The following SGSM1 variants were observed in gnomAD, a reference collection of about 807,000 sequenced individuals.
The protein encoded by SGSM1 is small G protein signaling modulator 1, also known as RUN and TBC1 domain containing 2.
In SGSM1, 73 loss-of-function variants were observed where a neutral mutation model predicts 133.8. That is an observed-to-expected ratio of 0.55 (90% CI 0.45 to 0.66). SGSM1 has a LOEUF of 0.66. Ranked by LOEUF, SGSM1 falls within the 30% of genes least tolerant of loss-of-function variation. The pLI is 0.00. For synonymous variants in SGSM1, 563 were observed against 573.0 expected (o/e 0.98, Z 0.25); for missense variants, 1,213 against 1,448.1 (o/e 0.84, Z 2.64).
chr22:24,924,609 C>T lies in SGSM1; in HGVS notation c.*335C>T, dbSNP rs943118795. On this transcript the variant is annotated 3_prime_UTR_variant, in exon 25 of 25. Transcript: ENST00000400358. ...GTCTCCTCTTCTTCTTTCCCTATCCCTCCAAACTGTCTTGTAAGATGAGAC... is the reference window on the plus strand; with the variant it reads ...GTCTCCTCTTCTTCTTTCCCTATCCTTCCAAACTGTCTTGTAAGATGAGAC... The T allele has an allele frequency of 1.2e-5, 4 of 342,816 alleles. No homozygotes were observed. Among genetic ancestry groups the T allele is most frequent in the African/African-American group, 6.3e-5 (3 of 47,876 alleles). 21.2% of individuals were successfully genotyped at this position (342,816 alleles called of 1,614,324 possible).
chr22:24,855,908 CA>C (rs1930753228), intron 8 of SGSM1: 2 of 699,080 alleles, frequency 2.9e-6, no homozygotes, highest in South Asian at 3.2e-5. Flanking sequence ...CACCCATTGT[CA>C]CAACCATCCA....
At chr22:24,873,758 A>G (rs1330784917) in intron 12 of SGSM1, among the ~76,000 whole-genome samples, 1 of 152,094 alleles carries the variant, frequency 6.6e-6, no homozygotes, top group Non-Finnish European at 1.5e-5. Context: ...GAGACTGAGG[A>G]TGGAGGATCA....
At chr22:24,909,515 G>C (rs1933540326) in intron 21 of SGSM1, among the ~76,000 whole-genome samples, 2 of 151,964 alleles carry the variant, frequency 1.3e-5, no homozygotes, top group South Asian at 4.2e-4. Flanking sequence ...GAGTGCAATG[G>C]CACCATCTCA....
chr22:24,825,995 C>A (rs4820613), intron 2 of SGSM1, among the ~76,000 whole-genome samples: 1 of 150,414 alleles, frequency 6.6e-6, no homozygotes, highest in Non-Finnish European at 1.5e-5. Flanking sequence ...TTTATTTAGA[C>A]CTACTGTGTG....
intron 3 of SGSM1, among the ~76,000 whole-genome samples, chr22:24,845,617 A>G (rs192759979): frequency 4.6e-5 from 7 of 152,310 alleles, no homozygotes; most frequent in African/African-American, 1.7e-4. Context: ...GTGTCTCATA[A>G]TGCAGGACAT....
chr22:24,863,027 G>A (rs1389918017), intron 9 of SGSM1, among the ~76,000 whole-genome samples: 1 of 152,218 alleles, frequency 6.6e-6, no homozygotes, highest in East Asian at 1.9e-4. Context: ...GAAACCTGAT[G>A]CTAATGTTTT....
chr22:24,904,351 C>G (rs372803277), intron 20 of SGSM1, among the ~76,000 whole-genome samples: 2 of 151,916 alleles, frequency 1.3e-5, no homozygotes, highest in African/African-American at 2.4e-5. Context: ...GAGGCCGAGA[C>G]GGGCGGGTCA....
At chr22:24,882,275 G>A (rs1192175414) in intron 14 of SGSM1, among the ~76,000 whole-genome samples, 1 of 152,126 alleles carries the variant, frequency 6.6e-6, no homozygotes, top group East Asian at 1.9e-4. Context: ...TCACTATGTT[G>A]CCTAGGCTGG....
intron 4 of SGSM1, among the ~76,000 whole-genome samples, chr22:24,849,980 G>C (rs1930362831): frequency 6.6e-6 from 1 of 152,162 alleles, no homozygotes; most frequent in African/African-American, 2.4e-5. Context: ...CCCAATGAAG[G>C]ATCTATACTC....
rs577816442 is a variant in SGSM1, at chr22:24,815,517, C to T, written c.63+9033C>T. ...CAGCACTTTGGGAGGCCGAGGCAGG[C>T]GGATCACGAGTTCAGGAGATCAGGA... is the stretch of plus-strand genomic sequence containing the variant. On this transcript the variant is annotated intron_variant, in intron 2 of 24. Coordinates refer to ENST00000400358, the MANE Select transcript of SGSM1 (RefSeq NM_001098497.3). 9.3e-3 allele frequency among the ~76,000 whole-genome samples: 1,416 copies of T among 152,102 alleles called. 20 individuals carry two copies. Among genetic ancestry groups the T allele is most frequent in the African/African-American group, 0.032 (1,342 of 41,486 alleles).
chr22:24,899,661 A>G (rs928197119), intron 19 of SGSM1, among the ~76,000 whole-genome samples: 5 of 151,612 alleles, frequency 3.3e-5, no homozygotes, highest in Non-Finnish European at 5.9e-5. Context: ...TAGAAGGACT[A>G]CAGGCGCCCG....
chr22:24,833,664 A>G (rs1443935425), intron 2 of SGSM1, among the ~76,000 whole-genome samples: 1 of 152,196 alleles, frequency 6.6e-6, no homozygotes, highest in Non-Finnish European at 1.5e-5. Flanking sequence ...CTCAAAAAAA[A>G]AAAAAAGATT....
At chr22:24,820,841 G>A (rs948094615) in intron 2 of SGSM1, among the ~76,000 whole-genome samples, 1 of 152,176 alleles carries the variant, frequency 6.6e-6, no homozygotes, top group Admixed American at 6.5e-5. Context: ...AGCCTAGAGG[G>A]CAGAGGCGGA....
At chr22:24,838,913 G>A (rs1236853793) in intron 2 of SGSM1, among the ~76,000 whole-genome samples, 5 of 113,338 alleles carry the variant, frequency 4.4e-5, no homozygotes, top group African/African-American at 1.1e-4. Flanking sequence ...TTTTAGGATA[G>A]ATATTTATGT....
intron 2 of SGSM1, among the ~76,000 whole-genome samples, chr22:24,811,785 C>T (rs1412233565): frequency 6.6e-6 from 1 of 150,976 alleles, no homozygotes; most frequent in Non-Finnish European, 1.5e-5. Flanking sequence ...AGGAGGATCC[C>T]TTGAGCCCAG....
intron 2 of SGSM1, among the ~76,000 whole-genome samples, chr22:24,836,613 C>G (rs1440947884): frequency 6.6e-6 from 1 of 152,206 alleles, no homozygotes; most frequent in Non-Finnish European, 1.5e-5. Context: ...CCAACACTTA[C>G]TTTCTGTTTT....
At chr22:24,859,895 A>C in intron 9 of SGSM1, 55 bp downstream of exon 9, 5 of 1,604,890 alleles carry the variant, frequency 3.1e-6, no homozygotes, top group Non-Finnish European at 4.3e-6. Flanking sequence ...GCCTTGGCAC[A>C]AGGAAGTTCC....
Position 24,898,224 on chromosome 22 carries a change from A to C in SGSM1, c.2275A>C (p.Arg759=), listed in dbSNP as rs537070045. ...LRPRDGSVDD[R]QSSEATTSQD... Reference sequence around the variant, plus strand: ...ACCTAGGGATGGCAGCGTGGATGACAGGCAGAGCAGCGAGGCCACCACATC... The same window carrying C: ...ACCTAGGGATGGCAGCGTGGATGACCGGCAGAGCAGCGAGGCCACCACATC... Residue 759 remains arginine (R), a synonymous_variant, in exon 19 of 25, where the codon AGG becomes CGG. Coordinates refer to ENST00000400358, the MANE Select transcript of SGSM1 (RefSeq NM_001098497.3). 17 of 1,613,556 alleles carry C rather than the reference A, an allele frequency of 1.1e-5. No homozygotes were observed. In the African/African-American group the frequency reaches 2.3e-4, roughly 21 times the overall value.
intron 16 of SGSM1, among the ~76,000 whole-genome samples, chr22:24,887,897 C>T (rs1170422252): frequency 6.6e-6 from 1 of 152,252 alleles, no homozygotes; most frequent in Non-Finnish European, 1.5e-5. Flanking sequence ...AGCCACCTGA[C>T]ATGGATAATT....
Sources: allele counts gnomAD v4.1 joint callset (sites outside exome capture counted in the v4.1 genomes callset), GRCh38; gene constraint gnomAD v4.1.1; transcripts MANE v1.5; gene names NCBI Gene and HGNC (gene_info 2026-07-23, HGNC 2026-07-21).